The following OTOGL variants were observed in gnomAD, a reference collection of about 807,000 sequenced individuals.
OTOGL encodes otogelin like, also known as otogelin-like protein.
A neutral mutation model predicts 318.5 loss-of-function variants in OTOGL; 285 were observed. That is an observed-to-expected ratio of 0.89 (90% CI 0.81 to 0.99). The LOEUF (loss-of-function observed/expected upper bound fraction) is 0.99. OTOGL is among the 50% of genes least tolerant of loss of function. The pLI is 0.00. For synonymous variants in OTOGL, 987 were observed against 936.5 expected (o/e 1.05, Z -0.99); for missense variants, 2,899 against 2,845.6 (o/e 1.02, Z -0.43).
At chr12:80,186,385 G>C (rs1875290903) in intron 1 of OTOGL, among the ~76,000 whole-genome samples, 1 of 152,004 alleles carries the variant, frequency 6.6e-6, no homozygotes, top group African/African-American at 2.4e-5. Flanking sequence ...CTCTGGCTTA[G>C]ATCTTCATTA....
intron 57 of OTOGL, 90 bp from the exon 58 acceptor site, chr12:80,377,033 A>G: frequency 2.4e-6 from 2 of 836,568 alleles, no homozygotes; most frequent in South Asian, 2.4e-5. Flanking sequence ...AAATACACCA[A>G]TTTTCAACTG....
chr12:80,126,574 A>G (rs570120055), intron 1 of OTOGL, among the ~76,000 whole-genome samples: 1 of 152,228 alleles, frequency 6.6e-6, no homozygotes, highest in South Asian at 2.1e-4. Flanking sequence ...TGCAGAGCTG[A>G]GTTCAATTCC....
intron 55 of OTOGL, among the ~76,000 whole-genome samples, chr12:80,368,778 T>C (rs1890705596): frequency 6.6e-6 from 1 of 151,504 alleles, no homozygotes; most frequent in Admixed American, 6.6e-5. Flanking sequence ...AATTCTTTAC[T>C]GATCTGTAAG....
chr12:80,215,633 GGTAGAAGTCATTATAGA>G (rs1301836693), intron 4 of OTOGL, among the ~76,000 whole-genome samples: 1 of 152,156 alleles, frequency 6.6e-6, no homozygotes, highest in Non-Finnish European at 1.5e-5. Context: ...GGCCCTATAA[GGTAGAAGTCATTATAGA>G]GTAGAAGTCA....
At chr12:80,323,893 T>G (rs1192502066) in intron 35 of OTOGL, 53 bp downstream of exon 35, 2 of 1,368,736 alleles carry the variant, frequency 1.5e-6, no homozygotes, top group Non-Finnish European at 2.1e-6. Flanking sequence ...CAAATTCTGT[T>G]TTCAGTTGAT....
chr12:80,100,099 G>A (rs1869048472), intron 1 of OTOGL, among the ~76,000 whole-genome samples: 1 of 152,178 alleles, frequency 6.6e-6, no homozygotes, highest in Non-Finnish European at 1.5e-5. Context: ...CTGGAAGGCA[G>A]AAATCCCTTC....
chr12:80,313,279 T>C (rs1886756054), intron 30 of OTOGL, among the ~76,000 whole-genome samples, 197 bp from the exon 31 acceptor site: 1 of 152,192 alleles, frequency 6.6e-6, no homozygotes, highest in African/African-American at 2.4e-5. Flanking sequence ...CTTTTGCTAG[T>C]TCTTTGATGT....
chr12:80,217,048 C>T (rs1044250543), intron 4 of OTOGL, among the ~76,000 whole-genome samples: 1 of 152,106 alleles, frequency 6.6e-6, no homozygotes, highest in Non-Finnish European at 1.5e-5. Flanking sequence ...ACACTGGCAC[C>T]GAAACAGCAG....
intron 1 of OTOGL, among the ~76,000 whole-genome samples, chr12:80,140,748 T>A (rs1043955279): frequency 8.5e-5 from 13 of 152,314 alleles, no homozygotes; most frequent in African/African-American, 2.4e-4. Context: ...ATAGAAAATA[T>A]GTATTGTCAG....
chr12:80,178,233 G>A (rs1333535690), intron 1 of OTOGL, among the ~76,000 whole-genome samples: 1 of 151,246 alleles, frequency 6.6e-6, no homozygotes, highest in South Asian at 2.1e-4. Flanking sequence ...GCTAATTTTT[G>A]TATTTTTAGT....
intron 1 of OTOGL, among the ~76,000 whole-genome samples, chr12:80,201,272 G>C (rs1222731044): frequency 6.6e-6 from 1 of 152,158 alleles, no homozygotes; most frequent in African/African-American, 2.4e-5. Flanking sequence ...AAGAAAAGAG[G>C]CTTATTTCGC....
In OTOGL at chr12:80,222,258, A is replaced by G; in HGVS notation, c.489+13A>G. ...GTACACTGTATGGGTAGGTGATTGT[A>G]GGACATGATTAACTTAAAAATATTA... On this transcript the variant is annotated intron_variant, in intron 7 of 58. Transcript: ENST00000547103. 1 of 1,561,074 alleles carries G rather than the reference A, an allele frequency of 6.4e-7. No homozygotes were observed. The highest frequency in any genetic ancestry group is 8.6e-7 in the Non-Finnish European group (1 of 1,158,580).
At chr12:80,297,714 C>T (rs80154771) in intron 27 of OTOGL, among the ~76,000 whole-genome samples, 141 of 152,288 alleles carry the variant, frequency 9.3e-4, no homozygotes, top group Admixed American at 3.2e-3. Flanking sequence ...ACTGCTCCCC[C>T]AAGGCCTTGC....
intron 11 of OTOGL, among the ~76,000 whole-genome samples, chr12:80,239,759 T>C (rs1880207415): frequency 1.3e-5 from 2 of 152,140 alleles, no homozygotes; most frequent in South Asian, 4.1e-4. Context: ...ATCTTCTTGC[T>C]ATTCTGAAAT....
chr12:80,348,163 TG>T (rs1332457548), intron 44 of OTOGL, among the ~76,000 whole-genome samples: 2 of 151,322 alleles, frequency 1.3e-5, no homozygotes, highest in Non-Finnish European at 3.0e-5. Context: ...TTGTTGCCAT[TG>T]TTTTTGGTGT....
intron 1 of OTOGL, among the ~76,000 whole-genome samples, chr12:80,196,252 T>TA (rs1392283538): frequency 3.3e-5 from 5 of 152,164 alleles, no homozygotes; most frequent in African/African-American, 1.2e-4. Context: ...ACCCTCTGTT[T>TA]AAAATGCAGT....
intron 1 of OTOGL, among the ~76,000 whole-genome samples, chr12:80,190,786 CAAAAAAAAAAAA>C (rs55950528): frequency 5.4e-4 from 40 of 73,658 alleles, no homozygotes; most frequent in South Asian, 2.4e-3. Flanking sequence ...GACTCCGTCT[CAAAAAAAAAAAA>C]AAAAAAAAAA....
chr12:80,196,608 G>A (rs1031115084), intron 1 of OTOGL, among the ~76,000 whole-genome samples: 5 of 152,200 alleles, frequency 3.3e-5, no homozygotes, highest in East Asian at 1.9e-4. Context: ...CCTGGACATC[G>A]TTCCCCGGAG....
chr12:80,117,730 C>G (rs1392127700), intron 1 of OTOGL, among the ~76,000 whole-genome samples: 1 of 152,146 alleles, frequency 6.6e-6, no homozygotes, highest in Non-Finnish European at 1.5e-5. Context: ...CCTTTTCTAC[C>G]TAGTTCTGTT....
Sources: gnomAD v4.1 joint callset for allele counts (sites outside exome capture counted in the v4.1 genomes callset) on GRCh38, gnomAD v4.1.1 for gene constraint, MANE v1.5 for transcripts, NCBI Gene and HGNC (gene_info 2026-07-23, HGNC 2026-07-21) for gene names.